Variants in ARK2N observed in about 807,000 individuals in gnomAD.
ARK2N encodes the protein protein ARK2N.
chr18:46,243,273 T>G, the ARK2N span, among the ~76,000 whole-genome samples: 1 of 152,332 alleles, frequency 6.6e-6, no homozygotes, highest in Admixed American at 6.5e-5. Flanking sequence ...GCTTGGACTA[T>G]TAGTCAGATG....
chr18:46,181,746 G>C, the ARK2N span, among the ~76,000 whole-genome samples: 1 of 152,052 alleles, frequency 6.6e-6, no homozygotes, highest in Non-Finnish European at 1.5e-5. Flanking sequence ...ATTGTGCTTG[G>C]GTAGTCTAGA....
the ARK2N span, among the ~76,000 whole-genome samples, chr18:46,214,866 G>A: frequency 6.6e-6 from 1 of 152,214 alleles, no homozygotes; most frequent in African/African-American, 2.4e-5. Context: ...TGGGAGCTAG[G>A]TAGGATTGAG....
At chr18:46,191,815 C>T in the ARK2N span, among the ~76,000 whole-genome samples, 2 of 152,120 alleles carry the variant, frequency 1.3e-5, no homozygotes, top group African/African-American at 4.8e-5. Context: ...CTGTGCTCGG[C>T]CTCTTCATTC....
At chr18:46,240,093 A>G in the ARK2N span, 1 of 1,614,226 alleles carries the variant, frequency 6.2e-7, no homozygotes, top group Non-Finnish European at 8.5e-7. Flanking sequence ...TGGCGGCTGC[A>G]GTAGTTCAAG....
At chr18:46,201,846 C>T in the ARK2N span, among the ~76,000 whole-genome samples, 4 of 150,158 alleles carry the variant, frequency 2.7e-5, no homozygotes, top group South Asian at 4.2e-4. Flanking sequence ...GGAGTGATCT[C>T]GGCTCACTGC....
At chr18:46,213,290 G>A in the ARK2N span, among the ~76,000 whole-genome samples, 4 of 151,798 alleles carry the variant, frequency 2.6e-5, no homozygotes, top group Admixed American at 6.6e-5. Context: ...GTGAGCCACC[G>A]TGCCCAGCCT....
At chr18:46,190,682 TAGTA>T in the ARK2N span, among the ~76,000 whole-genome samples, 98,455 of 151,244 alleles carry the variant, frequency 0.65, 33,246 homozygotes, top group Non-Finnish European at 0.74. Context: ...AGCTAATTCA[TAGTA>T]AGATTATGCT....
At chr18:46,255,771 GATT>G in the ARK2N span, among the ~76,000 whole-genome samples, 1 of 151,196 alleles carries the variant, frequency 6.6e-6, no homozygotes, top group African/African-American at 2.4e-5. Flanking sequence ...TTTTTTTAAT[GATT>G]ATTCTCCCTA....
the ARK2N span, among the ~76,000 whole-genome samples, chr18:46,189,347 T>A: frequency 6.0e-3 from 907 of 152,282 alleles, 4 homozygotes; most frequent in African/African-American, 0.021. Context: ...TGCTTTTATT[T>A]ACACAAAAGG....
chr18:46,232,272 A>G, the ARK2N span: 1 of 152,226 alleles, frequency 6.6e-6, no homozygotes, highest in Non-Finnish European at 1.5e-5. Flanking sequence ...AAAATAGCAA[A>G]TTATGGGCAA....
the ARK2N span, among the ~76,000 whole-genome samples, chr18:46,237,357 T>G: frequency 6.6e-6 from 1 of 151,444 alleles, no homozygotes; most frequent in African/African-American, 2.4e-5. Flanking sequence ...ATTTGTATAG[T>G]AGCTCAGAGT....
the ARK2N span, among the ~76,000 whole-genome samples, chr18:46,194,484 T>C: frequency 2.0e-5 from 3 of 151,464 alleles, no homozygotes; most frequent in Non-Finnish European, 4.4e-5. Flanking sequence ...TTTTGTTTGT[T>C]TTTTTTGAGA....
At chr18:46,211,295 A>AC in the ARK2N span, among the ~76,000 whole-genome samples, 1 of 151,416 alleles carries the variant, frequency 6.6e-6, no homozygotes. Flanking sequence ...GACAGCCCTG[A>AC]CCCCCTGGGC....
the ARK2N span, among the ~76,000 whole-genome samples, chr18:46,260,501 T>TA: frequency 7.2e-5 from 11 of 152,230 alleles, no homozygotes; most frequent in Non-Finnish European, 8.8e-5. Flanking sequence ...CTTCATTGTT[T>TA]AAAGTAGCCT....
At chr18:46,204,793 A>G in the ARK2N span, among the ~76,000 whole-genome samples, 1 of 152,154 alleles carries the variant, frequency 6.6e-6, no homozygotes, top group Non-Finnish European at 1.5e-5. Context: ...TGTGGTTTCA[A>G]CTGAAAAGGA....
the ARK2N span, among the ~76,000 whole-genome samples, chr18:46,215,428 A>G: frequency 6.6e-6 from 1 of 152,208 alleles, no homozygotes; most frequent in Non-Finnish European, 1.5e-5. Context: ...CATTCCAGGT[A>G]ATGCATTTCT....
the ARK2N span, among the ~76,000 whole-genome samples, chr18:46,213,306 A>G: frequency 1.3e-5 from 2 of 151,986 alleles, no homozygotes; most frequent in Admixed American, 6.6e-5. Context: ...AGCCTTAAGA[A>G]GAATCATTAT....
the ARK2N span, among the ~76,000 whole-genome samples, chr18:46,186,656 C>A: frequency 5.3e-5 from 8 of 151,764 alleles, no homozygotes; most frequent in Admixed American, 6.6e-5. Flanking sequence ...AGGCGCCCGC[C>A]ACCACGCCCA....
At chr18:46,185,339 C>A in the ARK2N span, among the ~76,000 whole-genome samples, 1 of 152,148 alleles carries the variant, frequency 6.6e-6, no homozygotes, top group South Asian at 2.1e-4. Flanking sequence ...ATTCTCCTCC[C>A]TCATGTATAA....
Sources: gnomAD v4.1 joint callset for allele counts (sites outside exome capture counted in the v4.1 genomes callset) on GRCh38, gnomAD v4.1.1 for gene constraint, MANE v1.5 for transcripts, NCBI Gene and HGNC (gene_info 2026-07-23, HGNC 2026-07-21) for gene names.